The following HAUS6 variants were observed in gnomAD, a reference collection of about 807,000 sequenced individuals.
The protein encoded by HAUS6 is HAUS augmin like complex subunit 6.
In HAUS6, 80 loss-of-function variants were observed where a neutral mutation model predicts 106.8. The observed-to-expected ratio is 0.75, with a 90% CI of 0.63 to 0.90. The LOEUF is 0.90. HAUS6 is among the 40% of genes least tolerant of loss of function. The pLI, the probability that HAUS6 is intolerant of heterozygous loss-of-function variation, is 0.00. For missense variants in HAUS6, 1,155 were observed against 1,118.1 expected (o/e 1.03, Z -0.47); for synonymous variants, 356 against 379.1 (o/e 0.94, Z 0.71).
At chr9:19,063,881 G>A (rs987267749) in intron 12 of HAUS6, 37 of 482,798 alleles carry the variant, frequency 7.7e-5, no homozygotes, top group African/African-American at 7.0e-4. Context: ...TTGAACACAG[G>A]TTAAAAACAG....
At chr9:19,061,572 T>G (rs1305863746) in intron 14 of HAUS6, among the ~76,000 whole-genome samples, 1 of 152,008 alleles carries the variant, frequency 6.6e-6, no homozygotes, top group Non-Finnish European at 1.5e-5. Context: ...TGGTGGCTCA[T>G]GCCTGTAATC....
intron 7 of HAUS6, among the ~76,000 whole-genome samples, chr9:19,085,654 T>G (rs565127421): frequency 5.9e-5 from 9 of 151,524 alleles, no homozygotes; most frequent in Admixed American, 3.9e-4. Context: ...AATACTTAAC[T>G]CACATCAAAG....
Position 19,089,503 on chromosome 9 carries a change from A to C in HAUS6, c.493T>G (p.Cys165Gly), listed in dbSNP as rs547104070. 1.2e-6 allele frequency: 2 copies of C among 1,610,992 alleles called. No homozygotes were observed. Among genetic ancestry groups the C allele is most frequent in the Admixed American group, 3.3e-5 (2 of 59,992 alleles). The stretch of plus-strand genomic sequence containing the variant: ...CGTGCGAAATGGCATCTGGCAATGC[A>C]TTTGTGCAAGTCCTGTGGTTTTATG... ...FNIKPQDLHK[C>G]IARCHFARSR... is the part of the protein sequence containing the mutation. Residue 165 changes from cysteine (C) to glycine (G), a missense_variant, in exon 5 of 17, where the codon TGC becomes GGC. Transcript: ENST00000380502.
intron 1 of HAUS6, among the ~76,000 whole-genome samples, chr9:19,100,155 C>T (rs577161360): frequency 6.6e-6 from 1 of 152,266 alleles, no homozygotes; most frequent in Non-Finnish European, 1.5e-5. Flanking sequence ...GATCGCACCA[C>T]TGCACTCCCG....
intron 2 of HAUS6, among the ~76,000 whole-genome samples, chr9:19,095,757 T>A (rs1296858463): frequency 6.6e-6 from 1 of 152,138 alleles, no homozygotes; most frequent in Non-Finnish European, 1.5e-5. Flanking sequence ...GAACACTTTT[T>A]TAGATAGCAG....
intron 1 of HAUS6, among the ~76,000 whole-genome samples, chr9:19,098,290 T>C (rs1219887638): frequency 2.6e-5 from 4 of 151,948 alleles, no homozygotes; most frequent in African/African-American, 9.7e-5. Flanking sequence ...ATACAAAAAT[T>C]AGCTGGGCGT....
intron 16 of HAUS6, chr9:19,057,503 G>C (rs1161135682): frequency 6.3e-6 from 1 of 159,008 alleles, no homozygotes; most frequent in African/African-American, 2.4e-5. Context: ...AATTTCTGCT[G>C]TTCTAAGCCA....
In HAUS6 at chr9:19,058,721, A is replaced by G. The variant is rs181118909; in HGVS notation, c.2046T>C (p.Asn682=). The G allele has an allele frequency of 1.5e-4, 240 of 1,613,996 alleles. 1 individual carries two copies. Among genetic ancestry groups the G allele is most frequent in the Non-Finnish European group, 2.5e-5 (29 of 1,179,952 alleles). ...TSHIDEPPTQ[N]QSDLLNKKVI... is the part of the protein sequence containing the mutation. ...CTTTCTTATTTAACAAATCTGACTG[A>G]TTTTGTGTTGGTGGTTCATCTATGT... Residue 682 remains asparagine, a synonymous_variant, in exon 16 of 17, where the codon AAT becomes AAC. Coordinates refer to ENST00000380502, the MANE Select transcript of HAUS6 (RefSeq NM_017645.5).
chr9:19,089,802 AAACATATAAC>A (rs1817706315), intron 4 of HAUS6: 1 of 489,902 alleles, frequency 2.0e-6, no homozygotes, highest in Non-Finnish European at 3.6e-6. Context: ...AGTATACCAC[AAACATATAAC>A]AACTAATGTT....
chr9:19,101,731 C>G (rs916667813), intron 1 of HAUS6, among the ~76,000 whole-genome samples: 9 of 152,108 alleles, frequency 5.9e-5, no homozygotes, highest in African/African-American at 2.2e-4. Context: ...ACCATCCTGG[C>G]CAACATGGTG....
At chr9:19,084,693 C>T (rs1332049866) in intron 7 of HAUS6, among the ~76,000 whole-genome samples, 6 of 149,690 alleles carry the variant, frequency 4.0e-5, no homozygotes, top group African/African-American at 1.5e-4. Context: ...AGTGCAGTGG[C>T]ACAATCTTGG....
intron 1 of HAUS6, among the ~76,000 whole-genome samples, chr9:19,098,261 A>T (rs777101739): frequency 2.6e-5 from 4 of 152,120 alleles, no homozygotes; most frequent in Non-Finnish European, 4.4e-5. Context: ...AACATGGCGA[A>T]TCGCCATCTC....
chr9:19,093,777 G>A (rs1402900484), intron 3 of HAUS6, among the ~76,000 whole-genome samples: 2 of 152,148 alleles, frequency 1.3e-5, no homozygotes, highest in African/African-American at 2.4e-5. Flanking sequence ...GCTGAGATGG[G>A]AGAATCATTC....
intron 5 of HAUS6, among the ~76,000 whole-genome samples, chr9:19,088,949 T>C (rs1817688801): frequency 6.6e-6 from 1 of 152,052 alleles, no homozygotes. Context: ...TAGGCAGAAG[T>C]TATCTGACTA....
At chr9:19,064,707 G>C (rs536848985) in intron 12 of HAUS6, among the ~76,000 whole-genome samples, 1 of 152,294 alleles carries the variant, frequency 6.6e-6, no homozygotes, top group South Asian at 2.1e-4. Flanking sequence ...CATAGTAAAT[G>C]TAATTTTCAA....
At chr9:19,098,401 G>A (rs7026759) in intron 1 of HAUS6, among the ~76,000 whole-genome samples, 11,778 of 142,438 alleles carry the variant, frequency 0.083, 517 homozygotes, top group East Asian at 0.11. Flanking sequence ...TCGCGCCACC[G>A]CACTCCAGCC....
chr9:19,058,591 C>G lies in HAUS6; in HGVS notation c.2176G>C (p.Gly726Arg), dbSNP rs1836535203. Residue 726 changes from glycine to arginine, a missense_variant, in exon 16 of 17, where the codon GGT becomes CGT. Gly to Arg is a moderately radical substitution (Grantham distance 125). Coordinates refer to ENST00000380502, the MANE Select transcript of HAUS6 (RefSeq NM_017645.5). ...PAVGNRIDVM[G>R]GSEEEFMKIL... ...TTCATAAACTCCTCTTCACTGCCACCCATCACATCTATCCTATTGCCGACA... is the reference window on the plus strand; with the variant it reads ...TTCATAAACTCCTCTTCACTGCCACGCATCACATCTATCCTATTGCCGACA... The G allele has an allele frequency of 3.7e-6, 6 of 1,602,330 alleles. No individual in the cohort carries two copies. Among genetic ancestry groups the G allele is most frequent in the African/African-American group, 1.3e-5 (1 of 74,184 alleles).
chr9:19,093,099 C>T lies in HAUS6; in HGVS notation c.436+72G>A, dbSNP rs540711349. The T allele has an allele frequency of 3.1e-3, 3,398 of 1,100,398 alleles. 17 individuals are homozygous for T. The highest frequency in any genetic ancestry group is 0.016 in the South Asian group (1,022 of 64,308). The allele number at this position is 1,100,398 out of a possible 1,614,324, so 68.2% of individuals were successfully genotyped here. Reference sequence around the variant, plus strand: ...CCTTGATTTTACTAAGATCTCTTCACGATTTAAAAATTGTAAAGAACAATA... The same window carrying T: ...CCTTGATTTTACTAAGATCTCTTCATGATTTAAAAATTGTAAAGAACAATA... On this transcript the variant is annotated intron_variant, in intron 4 of 16. Transcript: ENST00000380502.
chr9:19,055,601 A>G lies in HAUS6; in HGVS notation c.*742T>C, dbSNP rs1836452477. ...GTAGCATTAAATTATCAAAGTCTAA[A>G]TTAGACTAAATATAAATGTTATACA... On this transcript the variant is annotated 3_prime_UTR_variant, in exon 17 of 17. Coordinates refer to ENST00000380502, the MANE Select transcript of HAUS6 (RefSeq NM_017645.5). 6.6e-6 allele frequency: 1 copy of G among 152,242 alleles called. No homozygotes were observed. The highest frequency in any genetic ancestry group is 1.5e-5 in the Non-Finnish European group (1 of 68,044). 9.4% of individuals were successfully genotyped at this position (152,242 alleles called of 1,614,324 possible).
Sources: allele counts gnomAD v4.1 joint callset (sites outside exome capture counted in the v4.1 genomes callset), GRCh38; gene constraint gnomAD v4.1.1; transcripts MANE v1.5; gene names NCBI Gene and HGNC (gene_info 2026-07-23, HGNC 2026-07-21).